Variants in SAP30BP observed in about 807,000 individuals in gnomAD.
SAP30BP encodes SAP30 binding protein, also known as SAP30-binding protein.
In SAP30BP, 31 loss-of-function variants were observed where a neutral mutation model predicts 46.3. That is an observed-to-expected ratio of 0.67 (90% CI 0.50 to 0.90). The LOEUF (loss-of-function observed/expected upper bound fraction) is 0.90, where lower values mean the gene tolerates loss of function less well. Among genes scored for constraint, SAP30BP ranks in the 40% least tolerant of loss-of-function variants. SAP30BP has a pLI of 0.00. For synonymous variants in SAP30BP, 169 were observed against 144.2 expected (o/e 1.17, Z -1.23); for missense variants, 312 against 391.0 (o/e 0.80, Z 1.70).
chr17:75,707,180 C>T lies in SAP30BP; in HGVS notation c.*659C>T, dbSNP rs1422943559. 3 of 152,664 alleles carry T rather than the reference C, an allele frequency of 2.0e-5. No individual in the cohort carries two copies. The highest frequency in any genetic ancestry group is 4.4e-5 in the Non-Finnish European group (3 of 68,420). The allele number at this position is 152,664 out of a possible 1,614,324, so 9.5% of individuals were successfully genotyped here. ...CTGACCTGTGCAGAGAGTGGGGAGG[C>T]GTCAGCGCCTGGCCAGGGCTGCCCC... On this transcript the variant is annotated 3_prime_UTR_variant, in exon 11 of 11. Coordinates refer to ENST00000584667, the MANE Select transcript of SAP30BP (RefSeq NM_013260.8).
chr17:75,694,008 C>T (rs75767151), intron 4 of SAP30BP, among the ~76,000 whole-genome samples: 23 of 152,232 alleles, frequency 1.5e-4, no homozygotes, highest in African/African-American at 4.8e-4. Context: ...CTGTGCTAGC[C>T]CCAGCCTTTT....
At chr17:75,675,066 GTTGT>G (rs1441905331) in intron 3 of SAP30BP, among the ~76,000 whole-genome samples, 2 of 152,006 alleles carry the variant, frequency 1.3e-5, no homozygotes, top group African/African-American at 2.4e-5. Flanking sequence ...TGTTAGAAGT[GTTGT>G]TTAACAATTA....
At chr17:75,693,112 A>G in intron 3 of SAP30BP, 1 of 250,606 alleles carries the variant, frequency 4.0e-6, no homozygotes, top group Non-Finnish European at 7.8e-6. Context: ...GACCCAGGGG[A>G]GAGCAACAGG....
chr17:75,668,654 C>T (rs1340953633), intron 2 of SAP30BP, 29 bp downstream of exon 2: 1 of 1,404,608 alleles, frequency 7.1e-7, no homozygotes, highest in African/African-American at 1.4e-5. Context: ...TCCAGAGCTA[C>T]TGAAAGCACA....
chr17:75,675,529 G>A (rs2059977552), intron 3 of SAP30BP, among the ~76,000 whole-genome samples: 1 of 152,078 alleles, frequency 6.6e-6, no homozygotes, highest in Non-Finnish European at 1.5e-5. Flanking sequence ...ATTAAAAATT[G>A]AGGATCTCAG....
chr17:75,704,887 A>G, intron 9 of SAP30BP, 73 bp downstream of exon 9: 1 of 1,238,670 alleles, frequency 8.1e-7, no homozygotes, highest in Non-Finnish European at 1.2e-6. Context: ...TGAGCCCAGA[A>G]GGTGTCCAGG....
chr17:75,690,907 G>T, intron 3 of SAP30BP: 1 of 370,252 alleles, frequency 2.7e-6, no homozygotes, highest in South Asian at 2.0e-5. Flanking sequence ...GTGCAGCAGC[G>T]CTGGCCTCCT....
At chr17:75,674,679 T>G (rs1026020836) in intron 3 of SAP30BP, among the ~76,000 whole-genome samples, 2 of 147,460 alleles carry the variant, frequency 1.4e-5, no homozygotes, top group African/African-American at 5.0e-5. Context: ...GCATATGAAG[T>G]TTTTTTGTTT....
Position 75,706,080 on chromosome 17 carries a change from A to G in SAP30BP, c.733A>G (p.Thr245Ala). Residue 245 changes from threonine to alanine, a missense_variant, in exon 10 of 11, where the codon ACA becomes GCA. Coordinates refer to ENST00000584667, the MANE Select transcript of SAP30BP (RefSeq NM_013260.8). The surrounding 1 kb of genome is among the most constrained non-coding windows in gnomAD (Gnocchi z 4.6). ...ATSTTTTTAS[T>A]AVADAQKRKS... ...GTCCACCACCACTACCACTGCCAGC[A>G]CAGCTGTTGCAGGTAGATTGCAGAG... is the stretch of plus-strand genomic sequence containing the variant. 1 of 1,612,784 alleles carries G rather than the reference A, an allele frequency of 6.2e-7. No homozygotes were observed. Among genetic ancestry groups the G allele is most frequent in the Non-Finnish European group, 8.5e-7 (1 of 1,179,526 alleles).
At chr17:75,671,127 G>A (rs751201415) in intron 2 of SAP30BP, among the ~76,000 whole-genome samples, 2 of 152,202 alleles carry the variant, frequency 1.3e-5, no homozygotes, top group African/African-American at 4.8e-5. Context: ...ATCTGGATAA[G>A]GAACAGGACT....
intron 3 of SAP30BP, among the ~76,000 whole-genome samples, chr17:75,673,407 A>G (rs1368752000): frequency 6.6e-6 from 1 of 152,176 alleles, no homozygotes; most frequent in African/African-American, 2.4e-5. Context: ...AACACTCAGT[A>G]GTGATAATCT....
rs187350223 is a variant in SAP30BP at position 75,671,294 on chromosome 17, G to T, written c.217-522G>T. Reference sequence around the variant, plus strand: ...TGCCTGCCTTCCTGTGTTGATGTTTGTGCAAATGCCGGTTGAGGTGCTGCG... The same window carrying T: ...TGCCTGCCTTCCTGTGTTGATGTTTTTGCAAATGCCGGTTGAGGTGCTGCG... On this transcript the variant is annotated intron_variant, in intron 2 of 10. Transcript: ENST00000584667. 3.0e-3 allele frequency among the ~76,000 whole-genome samples: 456 copies of T among 152,330 alleles called. 3 individuals are homozygous for T. Among genetic ancestry groups the T allele is most frequent in the African/African-American group, 0.011 (443 of 41,566 alleles).
intron 9 of SAP30BP, 140 bp from the exon 10 acceptor site, chr17:75,705,868 C>G: frequency 7.8e-7 from 1 of 1,285,980 alleles, no homozygotes; most frequent in African/African-American, 1.5e-5. Flanking sequence ...TCGCCCTACC[C>G]CAGATGGGCA....
intron 4 of SAP30BP, among the ~76,000 whole-genome samples, chr17:75,698,470 A>T (rs2060356105): frequency 6.6e-6 from 1 of 151,816 alleles, no homozygotes; most frequent in African/African-American, 2.4e-5. Flanking sequence ...AGCACCTCTG[A>T]GTTTCCAAAA....
chr17:75,693,209 T>C (rs1339950909), intron 3 of SAP30BP: 2 of 526,336 alleles, frequency 3.8e-6, no homozygotes, highest in Non-Finnish European at 6.9e-6. Flanking sequence ...TGAAAAGGCA[T>C]GGAGGAGAGA....
At chr17:75,692,455 G>A in intron 3 of SAP30BP, 1 of 985,500 alleles carries the variant, frequency 1.0e-6, no homozygotes, top group Non-Finnish European at 1.2e-6. Flanking sequence ...ATGAGCACGT[G>A]TGGCCCTTGA....
At chr17:75,680,164 A>G (rs2060054687) in intron 3 of SAP30BP, among the ~76,000 whole-genome samples, 1 of 152,114 alleles carries the variant, frequency 6.6e-6, no homozygotes, top group Non-Finnish European at 1.5e-5. Context: ...ATCTAGGAAA[A>G]GATCTAGATC....
chr17:75,677,296 G>A (rs1407047147), intron 3 of SAP30BP, among the ~76,000 whole-genome samples: 1 of 151,376 alleles, frequency 6.6e-6, no homozygotes, highest in African/African-American at 2.4e-5. Context: ...GTAGAGACAG[G>A]GTTTCACCAT....
At chr17:75,681,708 C>T (rs2060078906) in intron 3 of SAP30BP, among the ~76,000 whole-genome samples, 1 of 152,216 alleles carries the variant, frequency 6.6e-6, no homozygotes, top group Non-Finnish European at 1.5e-5. Context: ...AGAACACGGG[C>T]AGCTTCTGCA....
Sources: allele counts gnomAD v4.1 joint callset (sites outside exome capture counted in the v4.1 genomes callset), GRCh38; gene constraint gnomAD v4.1.1; non-coding constraint Gnocchi (gnomAD v3.1); transcripts MANE v1.5; gene names NCBI Gene and HGNC (gene_info 2026-07-23, HGNC 2026-07-21).